Variants in CRISPLD1 observed in about 807,000 individuals in gnomAD.
CRISPLD1 encodes the protein cysteine-rich secretory protein LCCL domain-containing 1.
Under a neutral mutation model 77.5 loss-of-function variants are expected in CRISPLD1, and 60 were observed. The ratio of observed to expected loss-of-function variants is 0.77; its 90% CI spans 0.63 to 0.96. The LOEUF is 0.96. Ranked by LOEUF, CRISPLD1 falls within the 40% of genes least tolerant of loss-of-function variation. The pLI, the probability that CRISPLD1 is intolerant of heterozygous loss-of-function variation, is 0.00. For synonymous variants in CRISPLD1, 195 were observed against 200.1 expected, an observed-to-expected ratio of 0.97 and a Z score of 0.22; for missense variants, 623 against 615.8, an observed-to-expected ratio of 1.01 and a Z score of -0.12.
Position 75,016,939 on chromosome 8 carries a change from T to C in CRISPLD1, c.927T>C (p.Asn309=), listed in dbSNP as rs748512304. The part of the protein sequence containing the change: ...LRDQCKGTTC[N]RYECPAGCLD... The stretch of plus-strand genomic sequence containing the variant: ...ATCAGTGCAAAGGAACAACCTGCAA[T>C]AGGTAATATTTGTTATTATTTTGAA... The change falls in exon 8 of 15, where the codon AAT becomes AAC. Residue 309 remains asparagine, a splice_region_variant and synonymous_variant. Coordinates refer to ENST00000262207, the MANE Select transcript of CRISPLD1 (RefSeq NM_031461.6). 1 of 1,545,196 alleles carries C rather than the reference T, an allele frequency of 6.5e-7. No individual in the cohort carries two copies. The highest frequency in any genetic ancestry group is 1.8e-5 in the Admixed American group (1 of 56,562).
intron 2 of CRISPLD1, among the ~76,000 whole-genome samples, chr8:75,002,081 TTGTG>T (rs1812751963): frequency 6.6e-6 from 1 of 152,054 alleles, no homozygotes; most frequent in African/African-American, 2.4e-5. Flanking sequence ...AATTAGTTAA[TTGTG>T]TAAGAATTTA....
At chr8:74,990,483 C>A (rs973942223) in intron 2 of CRISPLD1, among the ~76,000 whole-genome samples, 2 of 152,016 alleles carry the variant, frequency 1.3e-5, no homozygotes, top group African/African-American at 4.8e-5. Flanking sequence ...TGTCCTTTTC[C>A]CGTTCTACAG....
At chr8:74,993,121 A>G (rs1233258804) in intron 2 of CRISPLD1, among the ~76,000 whole-genome samples, 1 of 152,176 alleles carries the variant, frequency 6.6e-6, no homozygotes, top group Non-Finnish European at 1.5e-5. Context: ...AATGTAGATA[A>G]AGAAATGATG....
At chr8:75,002,865 T>G (rs1017470039) in intron 2 of CRISPLD1, among the ~76,000 whole-genome samples, 20 of 152,164 alleles carry the variant, frequency 1.3e-4, no homozygotes, top group African/African-American at 4.6e-4. Context: ...AAATGAATAT[T>G]TAACACCATC....
chr8:75,022,211 A>G (rs1813147769), intron 12 of CRISPLD1, among the ~76,000 whole-genome samples: 1 of 152,124 alleles, frequency 6.6e-6, no homozygotes, highest in Admixed American at 6.5e-5. Flanking sequence ...CATAATATTG[A>G]CCTTAAGTAG....
chr8:75,001,647 ATTG>A (rs1812743698), intron 2 of CRISPLD1, among the ~76,000 whole-genome samples: 1 of 152,140 alleles, frequency 6.6e-6, no homozygotes, highest in African/African-American at 2.4e-5. Flanking sequence ...TCAGTAAGGG[ATTG>A]TTGTGACAAT....
At chr8:74,990,049 C>T (rs77252735) in intron 2 of CRISPLD1, among the ~76,000 whole-genome samples, 3,033 of 152,184 alleles carry the variant, frequency 0.02, 34 homozygotes, top group East Asian at 0.042. Context: ...AGCTTAAATA[C>T]TATGTGCACA....
At chr8:75,016,784 T>A in intron 7 of CRISPLD1, 79 bp downstream of exon 7, 1 of 1,555,098 alleles carries the variant, frequency 6.4e-7, no homozygotes, top group South Asian at 1.2e-5. Flanking sequence ...AATTTGAACA[T>A]TTTTAGAATG....
Position 75,033,510 on chromosome 8 carries a change from T to A in CRISPLD1, c.*1268T>A, listed in dbSNP as rs1275616127. The A allele has an allele frequency of 6.6e-6, 1 of 151,864 alleles. No homozygotes were observed. Among genetic ancestry groups the A allele is most frequent in the African/African-American group, 2.4e-5 (1 of 41,382 alleles). 9.4% of individuals were successfully genotyped at this position (151,864 alleles called of 1,614,324 possible). On this transcript the variant is annotated 3_prime_UTR_variant, in exon 15 of 15. Transcript: ENST00000262207. ...ATTTAGAAACACAGCAAGGGAGATTTTGAATAAAGAGAGAGATGAATTTAT... is the reference window on the plus strand; with the variant it reads ...ATTTAGAAACACAGCAAGGGAGATTATGAATAAAGAGAGAGATGAATTTAT...
At position 74,990,788 on chromosome 8, in the gene CRISPLD1, C is replaced by A. The variant is rs201422356; in HGVS notation, c.258+4543C>A. On this transcript the variant is annotated intron_variant, in intron 2 of 14. Transcript: ENST00000262207. ...AGAAACATACAAAAAAAAAAAAAAA[C>A]CAGAAAATTGGGCACATCGTTAACT... Among the ~76,000 whole-genome samples, 98 of 147,308 alleles carry A rather than the reference C, an allele frequency of 6.7e-4. 2 individuals are homozygous for A. In the East Asian group the frequency reaches 0.017, roughly 26 times the overall value.
Position 75,033,489 on chromosome 8 carries a change from A to C in CRISPLD1, c.*1247A>C, listed in dbSNP as rs1238394289. On this transcript the variant is annotated 3_prime_UTR_variant, in exon 15 of 15. Transcript: ENST00000262207. ...GTATGTGAAAGAGAAACACATATTT[A>C]GAAACACAGCAAGGGAGATTTTGAA... 2.0e-5 allele frequency: 3 copies of C among 152,028 alleles called. No individual in the cohort carries two copies. The highest frequency in any genetic ancestry group is 6.6e-5 in the Admixed American group (1 of 15,258). The allele number at this position is 152,028 out of a possible 1,614,324, so 9.4% of individuals were successfully genotyped here.
rs1170803375 is a variant in CRISPLD1, at chr8:75,033,117, A to T, written c.*875A>T. The T allele has an allele frequency of 2.0e-5, 3 of 152,374 alleles. No individual in the cohort carries two copies. The highest frequency in any genetic ancestry group is 7.2e-5 in the African/African-American group (3 of 41,438). 9.4% of individuals were successfully genotyped at this position (152,374 alleles called of 1,614,324 possible). A position where few individuals can be genotyped will look rare whatever the true frequency, so the allele number is the denominator to read the frequency against. The stretch of plus-strand genomic sequence containing the variant: ...TTTTTTAAATGGTAAATGACCTTGT[A>T]TATAAATATTGCCATATCATGGTAC... On this transcript the variant is annotated 3_prime_UTR_variant, in exon 15 of 15. Transcript: ENST00000262207.
chr8:75,019,780 A>T, intron 10 of CRISPLD1, 90 bp from the exon 11 acceptor site: 1 of 961,988 alleles, frequency 1.0e-6, no homozygotes, highest in Non-Finnish European at 1.6e-6. Context: ...AAAGAAAATT[A>T]AGTGTTCATA....
chr8:75,013,000 C>T lies in CRISPLD1; in HGVS notation c.488C>T (p.Pro163Leu), dbSNP rs764878772. ...TATTGTCCATTCAGGTGTTCTGGCC[C>T]TGTATGTACACATTATACACAGGTA... ...NPYCPFRCSG[P>L]VCTHYTQVVW... Residue 163 changes from proline (P) to leucine (L), a missense_variant, in exon 4 of 15, where the codon CCT becomes CTT. By Grantham distance (98) the Pro-to-Leu change is moderately conservative (BLOSUM62 -3). Transcript: ENST00000262207. 6.2e-7 allele frequency: 1 copy of T among 1,611,532 alleles called. No homozygotes were observed. Among genetic ancestry groups the T allele is most frequent in the African/African-American group, 1.3e-5 (1 of 74,794 alleles).
chr8:75,027,389 T>C (rs1336141780), intron 13 of CRISPLD1, among the ~76,000 whole-genome samples: 2 of 152,228 alleles, frequency 1.3e-5, no homozygotes, highest in South Asian at 2.1e-4. Flanking sequence ...TCCAAAGAAA[T>C]CATACTTTTC....
At chr8:75,032,088 A>T in intron 14 of CRISPLD1, 103 bp from the exon 15 acceptor site, 1 of 748,798 alleles carries the variant, frequency 1.3e-6, no homozygotes, top group Non-Finnish European at 2.2e-6. Flanking sequence ...ATCTGGATTC[A>T]TAGAGCTGCT....
At chr8:75,005,180 C>T (rs1812807334) in intron 2 of CRISPLD1, among the ~76,000 whole-genome samples, 1 of 151,946 alleles carries the variant, frequency 6.6e-6, no homozygotes, top group Admixed American at 6.6e-5. Flanking sequence ...TCATCAGATG[C>T]CTTTATTTGT....
Position 75,016,683 on chromosome 8 carries a change from A to T in CRISPLD1, c.846A>T (p.Glu282Asp), listed in dbSNP as rs1313415166. 1 of 1,613,176 alleles carries T rather than the reference A, an allele frequency of 6.2e-7. No homozygotes were observed. The highest frequency in any genetic ancestry group is 1.1e-5 in the South Asian group (1 of 90,974). Residue 282 changes from glutamate to aspartate, a missense_variant, in exon 7 of 15, where the codon GAA (glutamate) becomes GAT (aspartate). By Grantham distance (45) the Glu-to-Asp change is conservative. Transcript: ENST00000262207. ...RTRSDDSSRN[E>D]VISAQQMSQI... is the part of the protein sequence containing the mutation. The stretch of plus-strand genomic sequence containing the variant: ...GATCAGATGATAGTAGCAGAAATGA[A>T]GTCATAAGCGCACAGCAAATGTGTA...
intron 2 of CRISPLD1, among the ~76,000 whole-genome samples, chr8:75,006,009 A>G (rs1169051755): frequency 6.6e-6 from 1 of 152,124 alleles, no homozygotes; most frequent in Non-Finnish European, 1.5e-5. Flanking sequence ...TAGTGTGCCC[A>G]TCATCCAAAT....
Sources: gnomAD v4.1 joint callset for allele counts (sites outside exome capture counted in the v4.1 genomes callset) on GRCh38, gnomAD v4.1.1 for gene constraint, MANE v1.5 for transcripts, NCBI Gene and HGNC (gene_info 2026-07-23, HGNC 2026-07-21) for gene names.